Variants in DGKB observed in about 807,000 individuals in gnomAD.
The protein encoded by DGKB is diacylglycerol kinase beta, also known as 90 kDa diacylglycerol kinase.
DGKB carries 67 observed loss-of-function variants against 114.3 expected under a neutral mutation model. The observed-to-expected ratio is 0.59, with a 90% confidence interval of 0.48 to 0.72. The LOEUF (loss-of-function observed/expected upper bound fraction) is 0.72. DGKB is among the 30% of genes least tolerant of loss of function. The probability of loss-of-function intolerance (pLI) is 0.00; values close to 1 mark genes in which losing one functional copy is unlikely to be tolerated. For synonymous variants in DGKB, 398 were observed against 323.1 expected (o/e 1.23, Z -2.49); for missense variants, 907 against 975.2 (o/e 0.93, Z 0.93).
intron 2 of DGKB, among the ~76,000 whole-genome samples, chr7:14,792,847 T>A (rs1449552996): frequency 6.6e-6 from 1 of 152,098 alleles, no homozygotes; most frequent in Non-Finnish European, 1.5e-5. Flanking sequence ...ATAATACTAG[T>A]CCCATAAAAG....
chr7:14,205,329 G>C (rs188876843), intron 23 of DGKB, among the ~76,000 whole-genome samples: 2 of 151,846 alleles, frequency 1.3e-5, no homozygotes, highest in Non-Finnish European at 2.9e-5. Flanking sequence ...CATTGTTCTT[G>C]AGACCCACCC....
intron 23 of DGKB, among the ~76,000 whole-genome samples, chr7:14,215,848 C>T (rs1195188835): frequency 6.6e-6 from 1 of 152,114 alleles, no homozygotes; most frequent in Non-Finnish European, 1.5e-5. Flanking sequence ...GCATTTTATT[C>T]ACAAAAGTCA....
chr7:14,730,281 C>T (rs1044945310), intron 5 of DGKB, among the ~76,000 whole-genome samples: 1 of 152,144 alleles, frequency 6.6e-6, no homozygotes, highest in African/African-American at 2.4e-5. Flanking sequence ...TTGGAGTTGG[C>T]ATGGGTGGCG....
chr7:14,261,484 C>A (rs556947462), intron 23 of DGKB, among the ~76,000 whole-genome samples: 18 of 152,142 alleles, frequency 1.2e-4, no homozygotes, highest in Admixed American at 9.8e-4. Context: ...AGGAACAGAA[C>A]TTTTAGACAC....
chr7:14,168,400 G>C (rs1784912047), intron 25 of DGKB, among the ~76,000 whole-genome samples: 1 of 152,166 alleles, frequency 6.6e-6, no homozygotes. Flanking sequence ...AATATTTGAA[G>C]AAATAATAGC....
At chr7:14,755,859 G>C (rs1345797441) in intron 3 of DGKB, among the ~76,000 whole-genome samples, 2 of 151,870 alleles carry the variant, frequency 1.3e-5, no homozygotes, top group African/African-American at 2.4e-5. Context: ...ATTTAGAATT[G>C]TTCTTGGGTT....
intron 1 of DGKB, among the ~76,000 whole-genome samples, chr7:14,886,152 T>A (rs557463060): frequency 1.3e-5 from 2 of 151,650 alleles, no homozygotes; most frequent in South Asian, 4.2e-4. Context: ...CGGGCAGAAA[T>A]TGAAAGAAAA....
chr7:14,333,646 G>A (rs76040400), intron 23 of DGKB, among the ~76,000 whole-genome samples: 2 of 151,974 alleles, frequency 1.3e-5, no homozygotes, highest in Non-Finnish European at 2.9e-5. Context: ...TTGCTTCTCA[G>A]CCATGTTGAA....
chr7:14,922,337 A>C (rs996580665), intron 1 of DGKB, among the ~76,000 whole-genome samples: 12 of 151,534 alleles, frequency 7.9e-5, no homozygotes, highest in African/African-American at 2.7e-4. Flanking sequence ...CATGAAGACT[A>C]TGTATGTATA....
intron 21 of DGKB, among the ~76,000 whole-genome samples, chr7:14,360,027 C>A (rs527794567): frequency 6.6e-6 from 1 of 151,956 alleles, no homozygotes; most frequent in African/African-American, 2.4e-5. Context: ...ATGTTTATTG[C>A]GGCACTATTC....
At chr7:14,567,976 G>C (rs1797847320) in intron 20 of DGKB, among the ~76,000 whole-genome samples, 1 of 151,860 alleles carries the variant, frequency 6.6e-6, no homozygotes, top group African/African-American at 2.4e-5. Flanking sequence ...TAGTTTTTTT[G>C]TTTAATTAAA....
chr7:14,345,290 T>G lies in DGKB; in HGVS notation c.1926+11A>C. Reference sequence around the variant, plus strand: ...CATCATATTACAAAAGAGAATTCATTTTTTTCTTACTTCTATTTCTACAGA... The same window carrying G: ...CATCATATTACAAAAGAGAATTCATGTTTTTCTTACTTCTATTTCTACAGA... On this transcript the variant is annotated intron_variant, in intron 22 of 25. Coordinates refer to ENST00000402815, the MANE Select transcript of DGKB (RefSeq NM_001350709.2). 1 of 1,484,686 alleles carries G rather than the reference T, an allele frequency of 6.7e-7. No individual in the cohort carries two copies. The highest frequency in any genetic ancestry group is 9.1e-7 in the Non-Finnish European group (1 of 1,095,832). The allele number at this position is 1,484,686 out of a possible 1,614,324, so 92.0% of individuals were successfully genotyped here.
At chr7:14,709,967 TAAAAAAAAAAAAG>T (rs1253536879) in intron 6 of DGKB, among the ~76,000 whole-genome samples, 6 of 123,860 alleles carry the variant, frequency 4.8e-5, no homozygotes, top group Admixed American at 1.7e-4. Context: ...AAAGTATAAT[TAAAAAAAAAAAAG>T]AAAAGAAAAG....
intron 6 of DGKB, among the ~76,000 whole-genome samples, chr7:14,716,964 A>T (rs1828292495): frequency 2.0e-5 from 3 of 151,982 alleles, no homozygotes; most frequent in African/African-American, 7.2e-5. Flanking sequence ...AAGGCAATGC[A>T]TCTAGTGTAA....
intron 23 of DGKB, among the ~76,000 whole-genome samples, chr7:14,292,720 C>CACTT (rs1801953069): frequency 6.6e-6 from 1 of 152,164 alleles, no homozygotes. Flanking sequence ...AACCTATCTG[C>CACTT]ACTTACAGAG....
chr7:14,905,142 A>G (rs906804274), upstream of DGKB, among the ~76,000 whole-genome samples: 2 of 152,060 alleles, frequency 1.3e-5, no homozygotes, highest in Admixed American at 1.3e-4. Context: ...AGCTATCTTC[A>G]TTATAAATAA....
At chr7:14,457,367 C>T (rs755047855) in intron 21 of DGKB, among the ~76,000 whole-genome samples, 4 of 151,950 alleles carry the variant, frequency 2.6e-5, no homozygotes, top group Admixed American at 6.6e-5. Context: ...ATTAAAATTA[C>T]GGTAATAAAG....
intron 21 of DGKB, among the ~76,000 whole-genome samples, chr7:14,396,617 C>T (rs180809006): frequency 1.2e-3 from 179 of 152,312 alleles, no homozygotes; most frequent in Non-Finnish European, 2.6e-4. Context: ...TGATATTCAA[C>T]AACCTTAATG....
intron 25 of DGKB, among the ~76,000 whole-genome samples, chr7:14,166,130 C>T (rs1338499472): frequency 6.6e-6 from 1 of 152,186 alleles, no homozygotes; most frequent in Non-Finnish European, 1.5e-5. Context: ...TGGAATAGTC[C>T]TAAAATGTGT....
Sources: allele counts gnomAD v4.1 joint callset (sites outside exome capture counted in the v4.1 genomes callset), GRCh38; gene constraint gnomAD v4.1.1; transcripts MANE v1.5; gene names NCBI Gene and HGNC (gene_info 2026-07-23, HGNC 2026-07-21).